PCDH9: variants seen among roughly 807,000 people sequenced by gnomAD.
The protein encoded by PCDH9 is protocadherin-9.
A neutral mutation model predicts 70.6 loss-of-function variants in PCDH9; 24 were observed. That is an observed-to-expected ratio of 0.34 (90% CI 0.25 to 0.48). PCDH9 has a LOEUF of 0.48. Among genes scored for constraint, PCDH9 ranks in the 20% least tolerant of loss-of-function variants. The pLI is 0.99. For missense variants in PCDH9, 1,281 were observed against 1,503.6 expected (o/e 0.85, Z 2.45); for synonymous variants, 562 against 558.5 (o/e 1.01, Z -0.09).
chr13:66,376,090 A>T (rs921613626), intron 4 of PCDH9, among the ~76,000 whole-genome samples: 7 of 152,112 alleles, frequency 4.6e-5, no homozygotes, highest in Admixed American at 2.0e-4. Flanking sequence ...ATGTGGAGAG[A>T]AAATTCCGTG....
intron 2 of PCDH9, among the ~76,000 whole-genome samples, chr13:66,988,068 T>G (rs2083930303): frequency 6.6e-6 from 1 of 151,838 alleles, no homozygotes; most frequent in East Asian, 1.9e-4. Context: ...TCAGCTAATA[T>G]TTATTTACTT....
At chr13:67,023,922 T>A (rs929458798) in intron 2 of PCDH9, among the ~76,000 whole-genome samples, 4 of 151,448 alleles carry the variant, frequency 2.6e-5, no homozygotes, top group Non-Finnish European at 2.9e-5. Flanking sequence ...AACTGTACAT[T>A]AAAGATGTTC....
rs150668942 is a variant in PCDH9 at position 67,123,345 on chromosome 13, C to T, written c.3036+102060G>A. On this transcript the variant is annotated intron_variant, in intron 2 of 4. Transcript: ENST00000377865. ...CCTTCCTTTCCTGCACTAGCCTATC[C>T]CCAGTTAGTGAGAATCAAGACTTGG... 1.2e-3 allele frequency among the ~76,000 whole-genome samples: 178 copies of T among 152,218 alleles called. 1 individual carries two copies. The highest frequency in any genetic ancestry group is 3.4e-3 in the Middle Eastern group (1 of 294).
intron 4 of PCDH9, among the ~76,000 whole-genome samples, chr13:66,358,790 G>A (rs747383421): frequency 4.6e-5 from 7 of 151,914 alleles, no homozygotes; most frequent in Non-Finnish European, 7.4e-5. Context: ...TTTTTCATAT[G>A]AGGATAAATG....
At chr13:67,054,705 A>T (rs2085385549) in intron 2 of PCDH9, among the ~76,000 whole-genome samples, 1 of 152,214 alleles carries the variant, frequency 6.6e-6, no homozygotes, top group Admixed American at 6.5e-5. Flanking sequence ...GATTGATTAT[A>T]ATCTGTTATA....
In PCDH9 at chr13:66,875,076, T is replaced by G. The variant is rs111545638; in HGVS notation, c.3138+28428A>C. On this transcript the variant is annotated intron_variant, in intron 3 of 4. Transcript: ENST00000377865. ...AAATACATGAAATAAAAAAATAACTTCAGGCCACTAACTAACATCTATTGT... is the reference window on the plus strand; with the variant it reads ...AAATACATGAAATAAAAAAATAACTGCAGGCCACTAACTAACATCTATTGT... 3.3e-3 allele frequency among the ~76,000 whole-genome samples: 509 copies of G among 152,134 alleles called. 3 individuals are homozygous for G. Among genetic ancestry groups the G allele is most frequent in the Non-Finnish European group, 4.0e-3 (273 of 67,998 alleles).
intron 4 of PCDH9, among the ~76,000 whole-genome samples, chr13:66,626,656 G>GA (rs1193084050): frequency 2.0e-5 from 3 of 151,620 alleles, no homozygotes; most frequent in Non-Finnish European, 4.4e-5. Context: ...AAAAATGGAA[G>GA]AAAAAAAAGA....
intron 4 of PCDH9, among the ~76,000 whole-genome samples, chr13:66,599,963 T>G (rs1396142388): frequency 2.0e-5 from 3 of 151,882 alleles, no homozygotes; most frequent in Non-Finnish European, 4.4e-5. Flanking sequence ...TCTTCTTGAC[T>G]GATAGGATAT....
chr13:66,868,886 ATG>A (rs1323775269), intron 3 of PCDH9, among the ~76,000 whole-genome samples: 5 of 152,156 alleles, frequency 3.3e-5, no homozygotes, highest in African/African-American at 2.4e-5. Flanking sequence ...TGAGAAAAAT[ATG>A]ATTATCTTTG....
At position 66,304,007 on chromosome 13, in the gene PCDH9, A is replaced by G. The variant is rs1230938753; in HGVS notation, c.*648T>C. The G allele has an allele frequency of 6.6e-6, 1 of 152,442 alleles. No individual in the cohort carries two copies. Among genetic ancestry groups the G allele is most frequent in the African/African-American group, 2.4e-5 (1 of 41,416 alleles). 9.4% of individuals were successfully genotyped at this position (152,442 alleles called of 1,614,324 possible). On this transcript the variant is annotated 3_prime_UTR_variant, in exon 5 of 5. Transcript: ENST00000377865. ...ACTGAAAGAAACAACAAAAATAACA[A>G]CAAAGAGGTAAATAAAAAGAAGGAC...
chr13:66,827,367 A>G (rs2080842813), intron 3 of PCDH9, among the ~76,000 whole-genome samples: 1 of 135,802 alleles, frequency 7.4e-6, no homozygotes, highest in African/African-American at 2.5e-5. Flanking sequence ...TGGCAAAAAA[A>G]AAAAAAAGAA....
intron 4 of PCDH9, among the ~76,000 whole-genome samples, chr13:66,532,710 C>T (rs1344645038): frequency 2.0e-5 from 3 of 151,950 alleles, no homozygotes; most frequent in Non-Finnish European, 2.9e-5. Context: ...TTTATATTTT[C>T]GGTAGAGACG....
At chr13:66,866,343 A>G (rs574468222) in intron 3 of PCDH9, among the ~76,000 whole-genome samples, 16 of 151,988 alleles carry the variant, frequency 1.1e-4, no homozygotes, top group Non-Finnish European at 2.2e-4. Flanking sequence ...TTAGCTGGGC[A>G]TGGTGGCGGG....
chr13:67,042,690 A>G (rs2085145078), intron 2 of PCDH9, among the ~76,000 whole-genome samples: 1 of 152,210 alleles, frequency 6.6e-6, no homozygotes, highest in African/African-American at 2.4e-5. Flanking sequence ...TTGCTTGTCT[A>G]TTATGCACCA....
chr13:66,321,537 G>A (rs779061478), intron 4 of PCDH9, among the ~76,000 whole-genome samples: 7 of 151,814 alleles, frequency 4.6e-5, no homozygotes, highest in African/African-American at 9.7e-5. Flanking sequence ...TTGAAAGTGC[G>A]TTGTTTGGCT....
intron 4 of PCDH9, among the ~76,000 whole-genome samples, chr13:66,554,778 T>C (rs965040863): frequency 4.6e-5 from 7 of 151,876 alleles, no homozygotes; most frequent in Non-Finnish European, 7.4e-5. Context: ...TATTAGCAAA[T>C]TAAAGGTGAA....
rs528783596 is a variant in PCDH9 at position 66,736,193 on chromosome 13, T to C, written c.3139-104782A>G. On this transcript the variant is annotated intron_variant, in intron 3 of 4. Coordinates refer to ENST00000377865, the MANE Select transcript of PCDH9 (RefSeq NM_203487.3). ...GGTCTTAGTTATGGGCTGAATTCTA[T>C]CTCCCCAATTGCATATGTTGAAGCC... Among the ~76,000 whole-genome samples, 4 of 152,234 alleles carry C rather than the reference T, an allele frequency of 2.6e-5. No homozygotes were observed. The South Asian group carries it at 6.2e-4, about 24-fold the overall frequency.
At chr13:67,112,112 T>C (rs1159378445) in intron 2 of PCDH9, among the ~76,000 whole-genome samples, 2 of 152,208 alleles carry the variant, frequency 1.3e-5, no homozygotes, top group East Asian at 3.9e-4. Context: ...TGACTTTCAT[T>C]AGAGCCAGGC....
chr13:66,410,943 A>G (rs1274206494), intron 4 of PCDH9, among the ~76,000 whole-genome samples: 1 of 152,206 alleles, frequency 6.6e-6, no homozygotes, highest in African/African-American at 2.4e-5. Context: ...AACAACAAAT[A>G]AAACCTAAGT....
Sources: gnomAD v4.1 joint callset for allele counts (sites outside exome capture counted in the v4.1 genomes callset) on GRCh38, gnomAD v4.1.1 for gene constraint, MANE v1.5 for transcripts, NCBI Gene and HGNC (gene_info 2026-07-23, HGNC 2026-07-21) for gene names.